Variants in PHEX observed in about 807,000 individuals in gnomAD.
The protein encoded by PHEX is phosphate regulating endopeptidase X-linked.
In PHEX, 16 loss-of-function variants were observed where a neutral mutation model predicts 68.0. The ratio of observed to expected loss-of-function variants is 0.24; its 90% CI spans 0.16 to 0.36. The LOEUF is 0.36. PHEX is among the 10% of genes least tolerant of loss of function. The pLI is 1.00. For synonymous variants in PHEX, 208 were observed against 205.1 expected, an observed-to-expected ratio of 1.01 and a Z score of -0.12; for missense variants, 480 against 575.5, an observed-to-expected ratio of 0.83 and a Z score of 1.70.
intron 15 of PHEX, among the ~76,000 whole-genome samples, chrX:22,207,624 A>C (rs1372835025): frequency 9.0e-6 from 1 of 111,492 alleles, no homozygotes; most frequent in Non-Finnish European, 1.9e-5. Context: ...AACTAAAATA[A>C]GAAATAGGAG....
intron 12 of PHEX, among the ~76,000 whole-genome samples, chrX:22,166,737 T>A (rs1031937282): frequency 9.0e-6 from 1 of 111,255 alleles, no homozygotes; most frequent in African/African-American, 3.3e-5. Context: ...AACTTATTCC[T>A]CTTATCTAAC....
At chrX:22,080,710 T>C (rs1929351107) in intron 5 of PHEX, among the ~76,000 whole-genome samples, 2 of 103,892 alleles carry the variant, frequency 1.9e-5, no homozygotes, top group Non-Finnish European at 4.0e-5. Flanking sequence ...TGAAAACTAC[T>C]GGTATAGTTA....
At chrX:22,051,154 G>A (rs756124391) in intron 3 of PHEX, among the ~76,000 whole-genome samples, 2 of 112,288 alleles carry the variant, frequency 1.8e-5, no homozygotes, top group South Asian at 7.3e-4. Context: ...ACTGACATTA[G>A]GGTTCTTGCT....
intron 10 of PHEX, among the ~76,000 whole-genome samples, chrX:22,111,798 A>G (rs1282342587): frequency 8.9e-6 from 1 of 112,208 alleles, no homozygotes; most frequent in Non-Finnish European, 1.9e-5. Flanking sequence ...AGATATTTAG[A>G]GAAATACTTG....
intron 11 of PHEX, among the ~76,000 whole-genome samples, chrX:22,132,730 C>T (rs1932064508): frequency 8.9e-6 from 1 of 111,812 alleles, no homozygotes; most frequent in African/African-American, 3.3e-5. Context: ...AATTAGTTGG[C>T]ACCTTGATAA....
chrX:22,113,343 T>G (rs1381949412), intron 10 of PHEX, among the ~76,000 whole-genome samples: 1 of 111,612 alleles, frequency 9.0e-6, no homozygotes, highest in Non-Finnish European at 1.9e-5. Flanking sequence ...TTAATCCCAT[T>G]CCTCAAAACA....
chrX:22,159,345 T>A lies in PHEX; in HGVS notation c.1405-8967T>A, dbSNP rs73636811. Among the ~76,000 whole-genome samples, 695 of 113,084 alleles carry A rather than the reference T, an allele frequency of 6.1e-3. 5 individuals are homozygous for A. The highest frequency in any genetic ancestry group is 0.02 in the African/African-American group (633 of 31,167). Reference sequence around the variant, plus strand: ...AGTTATGAATGGATTTCACATTTTTTAAATAGTTTTAAAAAATCAGCTTGG... The same window carrying A: ...AGTTATGAATGGATTTCACATTTTTAAAATAGTTTTAAAAAATCAGCTTGG... On this transcript the variant is annotated intron_variant, in intron 12 of 21. Coordinates refer to ENST00000379374, the MANE Select transcript of PHEX (RefSeq NM_000444.6).
rs770371910 is a variant in PHEX, at chrX:22,094,275, C to G, written c.849+176C>G. Among the ~76,000 whole-genome samples the G allele has an allele frequency of 3.6e-5, 4 of 112,306 alleles. No homozygotes were observed. The South Asian group carries it at 1.5e-3, about 41-fold the overall frequency. On this transcript the variant is annotated intron_variant, in intron 7 of 21. Coordinates refer to ENST00000379374, the MANE Select transcript of PHEX (RefSeq NM_000444.6). Reference sequence around the variant, plus strand: ...CCCAAGGTAGAACTAATAGCATCCCCTCTAGGAAGTAACAAGGACTGTGAC... The same window carrying G: ...CCCAAGGTAGAACTAATAGCATCCCGTCTAGGAAGTAACAAGGACTGTGAC...
At chrX:22,152,568 T>C (rs752810284) in intron 12 of PHEX, among the ~76,000 whole-genome samples, 80 of 111,932 alleles carry the variant, frequency 7.1e-4, no homozygotes, top group African/African-American at 2.6e-3. Context: ...ACTGTGTGTC[T>C]TCACTCCGTC....
intron 16 of PHEX, among the ~76,000 whole-genome samples, chrX:22,214,635 C>T (rs1935028022): frequency 8.9e-6 from 1 of 111,822 alleles, no homozygotes; most frequent in African/African-American, 3.3e-5. Flanking sequence ...TGATTGAGGG[C>T]TCCTACCAGG....
chrX:22,077,404 G>A, intron 4 of PHEX, 72 bp from the exon 5 acceptor site: 1 of 909,489 alleles, frequency 1.1e-6, no homozygotes, highest in Non-Finnish European at 1.6e-6. Flanking sequence ...GTCTTGAGAA[G>A]ATGCACTTAA....
intron 11 of PHEX, among the ~76,000 whole-genome samples, chrX:22,121,449 CGAG>C (rs1410054889): frequency 7.2e-5 from 8 of 111,139 alleles, no homozygotes; most frequent in Admixed American, 1.9e-4. Flanking sequence ...ACAGGCTTGT[CGAG>C]GACAGGATGG....
At chrX:22,224,720 T>C (rs1005023402) in intron 18 of PHEX, among the ~76,000 whole-genome samples, 5 of 110,525 alleles carry the variant, frequency 4.5e-5, no homozygotes, top group African/African-American at 1.6e-4. Context: ...GCAGGAATGG[T>C]AGCTTTTGTG....
chrX:22,126,864 GTTTTTTT>G (rs35691469), intron 11 of PHEX, among the ~76,000 whole-genome samples: 1 of 54,600 alleles, frequency 1.8e-5, no homozygotes, highest in African/African-American at 7.7e-5. Context: ...TGAAATAGTT[GTTTTTTT>G]TTTTTTTTTT....
chrX:22,239,311 C>A (rs35663030), intron 20 of PHEX, among the ~76,000 whole-genome samples: 41,238 of 110,145 alleles, frequency 0.37, 6,095 homozygotes, highest in African/African-American at 0.51. Flanking sequence ...AACTCCAAAA[C>A]CCAGAACGCC....
At chrX:22,217,471 G>A (rs1221827432) in intron 16 of PHEX, among the ~76,000 whole-genome samples, 1 of 112,078 alleles carries the variant, frequency 8.9e-6, no homozygotes, top group Non-Finnish European at 1.9e-5. Context: ...AGCATGGTAA[G>A]GATCATTTAT....
chrX:22,246,856 G>A (rs1467183361), intron 21 of PHEX, among the ~76,000 whole-genome samples: 1 of 111,996 alleles, frequency 8.9e-6, no homozygotes, highest in Non-Finnish European at 1.9e-5. Flanking sequence ...AATAGTCAGG[G>A]ACTGAGAATG....
chrX:22,215,174 ATTTG>A (rs1166512353), intron 16 of PHEX, among the ~76,000 whole-genome samples: 2 of 111,352 alleles, frequency 1.8e-5, no homozygotes, highest in African/African-American at 3.3e-5. Context: ...GTTAGTGTCT[ATTTG>A]TTTGTACCTT....
intron 20 of PHEX, among the ~76,000 whole-genome samples, chrX:22,239,227 A>C (rs1290669843): frequency 8.9e-6 from 1 of 111,735 alleles, no homozygotes; most frequent in African/African-American, 3.3e-5. Flanking sequence ...ACCATATCCG[A>C]AGGTCACCAG....
Sources: allele counts gnomAD v4.1 joint callset (sites outside exome capture counted in the v4.1 genomes callset), GRCh38; gene constraint gnomAD v4.1.1; transcripts MANE v1.5; gene names NCBI Gene and HGNC (gene_info 2026-07-23, HGNC 2026-07-21).